Variants in ADAM22 observed in about 807,000 individuals in gnomAD.
The protein encoded by ADAM22 is disintegrin and metalloproteinase domain-containing protein 22.
Under a neutral mutation model 144.6 loss-of-function variants are expected in ADAM22, and 65 were observed. The observed-to-expected ratio is 0.45, with a 90% CI of 0.37 to 0.55. The LOEUF is 0.55. ADAM22 is among the 20% of genes least tolerant of loss of function. ADAM22 has a pLI of 0.00. For missense variants in ADAM22, 974 were observed against 1,184.9 expected, an observed-to-expected ratio of 0.82 and a Z score of 2.61; for synonymous variants, 391 against 412.6, an observed-to-expected ratio of 0.95 and a Z score of 0.63.
At chr7:88,004,700 T>A (rs1352787409) in intron 3 of ADAM22, among the ~76,000 whole-genome samples, 1 of 152,146 alleles carries the variant, frequency 6.6e-6, no homozygotes, top group Non-Finnish European at 1.5e-5. Flanking sequence ...GTAATGTAAA[T>A]TTTGTGGATT....
At chr7:88,113,119 C>CTTTTT (rs34323035) in intron 5 of ADAM22, among the ~76,000 whole-genome samples, 4 of 79,000 alleles carry the variant, frequency 5.1e-5, no homozygotes, top group Admixed American at 1.7e-4. Context: ...TGCCTGCCCT[C>CTTTTT]TTTTTTTTTT....
chr7:88,052,990 T>C (rs1806930239), intron 3 of ADAM22, among the ~76,000 whole-genome samples: 1 of 152,204 alleles, frequency 6.6e-6, no homozygotes, highest in South Asian at 2.1e-4. Context: ...TTTGAAAATA[T>C]TATATGGGTA....
At chr7:88,142,802 C>T (rs1327882750) in intron 14 of ADAM22, among the ~76,000 whole-genome samples, 5 of 150,754 alleles carry the variant, frequency 3.3e-5, no homozygotes, top group Middle Eastern at 3.4e-3. Flanking sequence ...CGTGCCACTG[C>T]ACTCCAGCCT....
At chr7:88,106,347 A>G (rs1824387246) in intron 4 of ADAM22, among the ~76,000 whole-genome samples, 1 of 152,072 alleles carries the variant, frequency 6.6e-6, no homozygotes, top group African/African-American at 2.4e-5. Flanking sequence ...CCCCTCCCCA[A>G]AGCTGAGAGT....
chr7:87,961,088 T>C (rs1335510629), intron 2 of ADAM22, among the ~76,000 whole-genome samples: 1 of 152,108 alleles, frequency 6.6e-6, no homozygotes, highest in Non-Finnish European at 1.5e-5. Flanking sequence ...AGACTGGTAG[T>C]GCAGGGGAGT....
At chr7:88,180,970 T>C (rs1327479108) in intron 27 of ADAM22, among the ~76,000 whole-genome samples, 2 of 152,152 alleles carry the variant, frequency 1.3e-5, no homozygotes, top group African/African-American at 2.4e-5. Context: ...TTTTGGACCA[T>C]ATTTGTGGAG....
chr7:88,113,027 T>G (rs908608939), intron 5 of ADAM22, among the ~76,000 whole-genome samples: 2 of 151,952 alleles, frequency 1.3e-5, no homozygotes, highest in African/African-American at 4.8e-5. Flanking sequence ...AGCTCAAAAC[T>G]GAACTCTTAA....
intron 3 of ADAM22, among the ~76,000 whole-genome samples, chr7:88,041,653 C>T (rs1460135832): frequency 2.0e-5 from 3 of 151,866 alleles, no homozygotes; most frequent in Admixed American, 6.6e-5. Context: ...TGCCCTTATC[C>T]TTTGTTATAA....
chr7:88,033,151 A>G (rs1800699387), intron 3 of ADAM22, among the ~76,000 whole-genome samples: 1 of 152,208 alleles, frequency 6.6e-6, no homozygotes, highest in Non-Finnish European at 1.5e-5. Context: ...TAGTCTTCAT[A>G]GTCTGGGCTT....
rs115309779 is a variant in ADAM22 at position 88,052,147 on chromosome 7, T to C, written c.324-23479T>C. Among the ~76,000 whole-genome samples the C allele has an allele frequency of 1.3e-3, 203 of 152,012 alleles. 1 individual carries two copies. Among genetic ancestry groups the C allele is most frequent in the African/African-American group, 4.9e-3 (202 of 41,464 alleles). On this transcript the variant is annotated intron_variant, in intron 3 of 31. Coordinates refer to ENST00000413139, the MANE Select transcript of ADAM22 (RefSeq NM_001324418.2). Reference sequence around the variant, plus strand: ...TGCTATCCACTTCACTTTGTAAACATTGGAAGATAGTTGAGTACCATGAAG... The same window carrying C: ...TGCTATCCACTTCACTTTGTAAACACTGGAAGATAGTTGAGTACCATGAAG...
chr7:88,073,617 G>A (rs1563154840), intron 3 of ADAM22, among the ~76,000 whole-genome samples: 2 of 152,194 alleles, frequency 1.3e-5, no homozygotes, highest in Non-Finnish European at 2.9e-5. Context: ...AATTTAAAGT[G>A]CACAGTGAGA....
intron 22 of ADAM22, 31 bp from the exon 23 acceptor site, chr7:88,162,981 G>A: frequency 6.3e-7 from 1 of 1,597,850 alleles, no homozygotes; most frequent in South Asian, 1.1e-5. Flanking sequence ...TGAATTAATA[G>A]ATTCATTTTT....
intron 22 of ADAM22, among the ~76,000 whole-genome samples, chr7:88,156,726 T>C (rs73204123): frequency 0.13 from 19,295 of 152,048 alleles, 1,898 homozygotes; most frequent in East Asian, 0.48. Context: ...CCATGGAAGA[T>C]TGGAGCTTTA....
At chr7:88,074,594 G>T (rs1023023126) in intron 3 of ADAM22, among the ~76,000 whole-genome samples, 2 of 152,184 alleles carry the variant, frequency 1.3e-5, no homozygotes, top group African/African-American at 4.8e-5. Context: ...CTGAGAGCGT[G>T]CTAGCTGATT....
rs758404653 is a variant in ADAM22 at position 88,199,684 on chromosome 7, A to G, written c.*3193A>G. 6.6e-6 allele frequency: 1 copy of G among 152,236 alleles called. No individual in the cohort carries two copies. Among genetic ancestry groups the G allele is most frequent in the Non-Finnish European group, 1.5e-5 (1 of 68,048 alleles). 9.4% of individuals were successfully genotyped at this position (152,236 alleles called of 1,614,324 possible). On this transcript the variant is annotated 3_prime_UTR_variant, in exon 32 of 32. Transcript: ENST00000413139. ...TTTTAACAAGACACCCGGAGCTTCG[A>G]TTAGGAATAACCTATCATTAGAGTT...
At chr7:88,136,947 A>G (rs111729114) in intron 14 of ADAM22, among the ~76,000 whole-genome samples, 3 of 152,228 alleles carry the variant, frequency 2.0e-5, no homozygotes, top group African/African-American at 7.2e-5. Flanking sequence ...GTGGATACTT[A>G]TACACCCATT....
At chr7:88,135,911 A>G (rs984904013) in intron 13 of ADAM22, 69 bp from the exon 14 acceptor site, 21 of 1,364,600 alleles carry the variant, frequency 1.5e-5, no homozygotes, top group Admixed American at 2.2e-5. Context: ...TAATTATTTT[A>G]AAACAGAAAC....
rs1490369902 is a variant in ADAM22 at position 88,200,239 on chromosome 7, A to G, written c.*3748A>G. ...CCTATTGTCGTATAGTTCTAACCAT[A>G]TATATAGTACTTTAAATATTTTCTT... On this transcript the variant is annotated 3_prime_UTR_variant, in exon 32 of 32. Transcript: ENST00000413139. 6.6e-6 allele frequency: 1 copy of G among 152,202 alleles called. No homozygotes were observed. The highest frequency in any genetic ancestry group is 2.4e-5 in the African/African-American group (1 of 41,454). The allele number at this position is 152,202 out of a possible 1,614,324, so 9.4% of individuals were successfully genotyped here.
chr7:88,196,522 A>T lies in ADAM22; in HGVS notation c.*31A>T. On this transcript the variant is annotated 3_prime_UTR_variant, in exon 32 of 32. Transcript: ENST00000413139. ...ACTGTTTACATGTGATACATCGAAA[A>T]CTGTTTACTTCAACTTTTATAGAAA... 1 of 1,612,612 alleles carries T rather than the reference A, an allele frequency of 6.2e-7. No homozygotes were observed. The highest frequency in any genetic ancestry group is 2.2e-5 in the East Asian group (1 of 44,842).
Sources: gnomAD v4.1 joint callset for allele counts (sites outside exome capture counted in the v4.1 genomes callset) on GRCh38, gnomAD v4.1.1 for gene constraint, MANE v1.5 for transcripts, NCBI Gene and HGNC (gene_info 2026-07-23, HGNC 2026-07-21) for gene names.